The following TGFB2 variants were observed in gnomAD, a reference collection of about 807,000 sequenced individuals.
TGFB2 encodes transforming growth factor beta 2, also known as transforming growth factor beta-2 proprotein.
A neutral mutation model predicts 42.7 loss-of-function variants in TGFB2; 13 were observed. That is an observed-to-expected ratio of 0.30 (90% CI 0.20 to 0.48). TGFB2 has a LOEUF of 0.48. Among genes scored for constraint, TGFB2 ranks in the 20% least tolerant of loss-of-function variants. The pLI is 0.99. For synonymous variants in TGFB2, 193 were observed against 193.6 expected (o/e 1.00, Z 0.03); for missense variants, 390 against 517.5 (o/e 0.75, Z 2.39).
At chr1:218,381,832 G>GGT (rs140110561) in intron 1 of TGFB2, among the ~76,000 whole-genome samples, 9,131 of 151,458 alleles carry the variant, frequency 0.06, 356 homozygotes, top group African/African-American at 0.12. Flanking sequence ...TGTGTGTAGG[G>GGT]GTGTGTGTGT....
In TGFB2 at chr1:218,346,080, ACG is replaced by A. The variant is rs886045969; in HGVS notation, c.-620_-619del. ...CGCACACACACACACACACACACAC[ACG>A]CACGCACACACGTGTGCGCTTCTCT... On this transcript the variant is annotated 5_prime_UTR_variant, in exon 1 of 7. Transcript: ENST00000366930. This position sits in a 1 kb window ranked among gnomAD's most constrained non-coding sequence, Gnocchi z 4.9. 6.6e-6 allele frequency among the ~76,000 whole-genome samples: 1 copy of A among 150,702 alleles called. No homozygotes were observed. The highest frequency in any genetic ancestry group is 2.5e-5 in the African/African-American group (1 of 40,814).
chr1:218,401,592 G>A (rs927080978), intron 1 of TGFB2, among the ~76,000 whole-genome samples: 1 of 152,306 alleles, frequency 6.6e-6, no homozygotes, highest in African/African-American at 2.4e-5. Context: ...GGATGTGAGT[G>A]TGGATAAGTT....
chr1:218,351,090 T>A (rs1401493474), intron 1 of TGFB2, among the ~76,000 whole-genome samples: 1 of 152,244 alleles, frequency 6.6e-6, no homozygotes, highest in East Asian at 1.9e-4. Context: ...AATTGTGGAA[T>A]GTAGAATGAA....
At chr1:218,414,831 G>A (rs1039852431) in intron 2 of TGFB2, among the ~76,000 whole-genome samples, 1 of 152,124 alleles carries the variant, frequency 6.6e-6, no homozygotes, top group Non-Finnish European at 1.5e-5. Context: ...GTAGGTACTG[G>A]TCTCATCCTT....
chr1:218,427,736 A>T (rs1252947733), intron 2 of TGFB2, among the ~76,000 whole-genome samples: 3 of 152,134 alleles, frequency 2.0e-5, no homozygotes, highest in African/African-American at 7.2e-5. Flanking sequence ...TCTATCATTG[A>T]TGGGCATTTG....
chr1:218,379,553 C>T (rs547666980), intron 1 of TGFB2, among the ~76,000 whole-genome samples: 99 of 132,122 alleles, frequency 7.5e-4, no homozygotes, highest in Middle Eastern at 8.8e-3. Context: ...GTCTTTCTTC[C>T]TCTCTAATGC....
chr1:218,403,165 T>C (rs1051514226), intron 1 of TGFB2, among the ~76,000 whole-genome samples: 6 of 152,156 alleles, frequency 3.9e-5, no homozygotes, highest in South Asian at 2.1e-4. Flanking sequence ...TCTGCATGAA[T>C]ACTTTTTTTC....
chr1:218,371,091 G>A (rs1298854297), intron 1 of TGFB2, among the ~76,000 whole-genome samples: 1 of 152,190 alleles, frequency 6.6e-6, no homozygotes, highest in Non-Finnish European at 1.5e-5. Flanking sequence ...TTGAGCCCAG[G>A]AGTTTGAGAC....
At chr1:218,417,877 G>C (rs998845519) in intron 2 of TGFB2, among the ~76,000 whole-genome samples, 6 of 152,244 alleles carry the variant, frequency 3.9e-5, no homozygotes, top group African/African-American at 1.2e-4. Context: ...GCCTGTGAGT[G>C]CACAGAAGTA....
chr1:218,413,516 T>G (rs1253050312), intron 2 of TGFB2, among the ~76,000 whole-genome samples: 1 of 152,180 alleles, frequency 6.6e-6, no homozygotes. Flanking sequence ...GCATCCAGCT[T>G]CAGCTGAAGC....
chr1:218,388,023 C>T (rs541961224), intron 1 of TGFB2, among the ~76,000 whole-genome samples: 1 of 152,194 alleles, frequency 6.6e-6, no homozygotes, highest in African/African-American at 2.4e-5. Flanking sequence ...ACATCTGTGT[C>T]CTCTGCAAGA....
chr1:218,387,648 C>A (rs888372928), intron 1 of TGFB2, among the ~76,000 whole-genome samples: 7 of 152,166 alleles, frequency 4.6e-5, no homozygotes, highest in African/African-American at 1.7e-4. Context: ...AGTTGTACCA[C>A]TACCTTCTCT....
intron 1 of TGFB2, chr1:218,363,296 G>C: frequency 6.4e-7 from 1 of 1,557,440 alleles, no homozygotes; most frequent in Non-Finnish European, 8.9e-7. Context: ...CATCTCTTCA[G>C]TAAAATAGCT....
chr1:218,432,380 T>C (rs910243927), intron 2 of TGFB2, among the ~76,000 whole-genome samples: 1 of 152,096 alleles, frequency 6.6e-6, no homozygotes, highest in East Asian at 1.9e-4. Context: ...TTAGTGGAGG[T>C]TTTGGACCAC....
chr1:218,434,238 C>A (rs1341296356), intron 3 of TGFB2, 24 bp downstream of exon 3: 1 of 1,612,790 alleles, frequency 6.2e-7, no homozygotes, highest in East Asian at 2.2e-5. Flanking sequence ...CTCTCTTTTC[C>A]TCCCAAGATG....
At chr1:218,376,609 CT>C (rs985870945) in intron 1 of TGFB2, among the ~76,000 whole-genome samples, 1 of 152,156 alleles carries the variant, frequency 6.6e-6, no homozygotes, top group Non-Finnish European at 1.5e-5. Flanking sequence ...GGCAAGTTCC[CT>C]CTTTAAGCCT....
chr1:218,429,891 A>G (rs1341696867), intron 2 of TGFB2, among the ~76,000 whole-genome samples: 2 of 152,188 alleles, frequency 1.3e-5, no homozygotes, highest in Non-Finnish European at 2.9e-5. Context: ...CTAGGGAAAA[A>G]AAGAAATGTA....
At chr1:218,441,141 A>T (rs1170794620) in intron 6 of TGFB2, 63 bp from the exon 7 acceptor site, 1 of 1,510,680 alleles carries the variant, frequency 6.6e-7, no homozygotes, top group Non-Finnish European at 8.9e-7. Context: ...TTCTTTTTAA[A>T]AACGAATTGC....
chr1:218,438,917 G>A (rs1041988914), intron 6 of TGFB2, among the ~76,000 whole-genome samples: 1 of 152,002 alleles, frequency 6.6e-6, no homozygotes, highest in Non-Finnish European at 1.5e-5. Flanking sequence ...GACCAGCCTG[G>A]TCAAGATGAT....
Sources: allele counts gnomAD v4.1 joint callset (sites outside exome capture counted in the v4.1 genomes callset), GRCh38; gene constraint gnomAD v4.1.1; non-coding constraint Gnocchi (gnomAD v3.1); transcripts MANE v1.5; gene names NCBI Gene and HGNC (gene_info 2026-07-23, HGNC 2026-07-21).